The following DNAJB6 variants were observed in gnomAD, a reference collection of about 807,000 sequenced individuals.
DNAJB6 encodes DnaJ heat shock protein family (Hsp40) member B6, also known as dnaJ homolog subfamily B member 6.
DNAJB6 carries 16 observed loss-of-function variants against 42.7 expected under a neutral mutation model. The observed-to-expected ratio is 0.37, with a 90% CI of 0.25 to 0.57. The LOEUF is 0.57. Among genes scored for constraint, DNAJB6 ranks in the 20% least tolerant of loss-of-function variants. DNAJB6 has a pLI of 0.74. For missense variants in DNAJB6, 347 were observed against 416.8 expected (o/e 0.83, Z 1.46); for synonymous variants, 170 against 163.5 (o/e 1.04, Z -0.30).
chr7:157,382,077 G>C (rs1008411092), intron 5 of DNAJB6, 169 bp from the exon 6 acceptor site: 1 of 553,236 alleles, frequency 1.8e-6, no homozygotes, highest in African/African-American at 2.0e-5. Flanking sequence ...TAAAACTGTT[G>C]GTGAGGTAGT....
chr7:157,340,385 A>C (rs1798298816), intron 1 of DNAJB6, among the ~76,000 whole-genome samples: 1 of 152,170 alleles, frequency 6.6e-6, no homozygotes, highest in African/African-American at 2.4e-5. Context: ...TTCAAGGATG[A>C]ATAGAATTTG....
chr7:157,402,856 A>C (rs28513379), intron 8 of DNAJB6, among the ~76,000 whole-genome samples: 2,001 of 152,336 alleles, frequency 0.013, 44 homozygotes, highest in African/African-American at 0.045. Context: ...CCACGGAGAA[A>C]GTCCACGGAA....
chr7:157,345,421 C>T (rs1324642010), intron 1 of DNAJB6, among the ~76,000 whole-genome samples: 1 of 152,074 alleles, frequency 6.6e-6, no homozygotes, highest in African/African-American at 2.4e-5. Context: ...CTCAAGTGAT[C>T]CTGCCATTTC....
At chr7:157,337,458 G>T in intron 1 of DNAJB6, 1 of 151,910 alleles carries the variant, frequency 6.6e-6, no homozygotes, top group South Asian at 1.9e-4. Context: ...CCCGGCCTGG[G>T]AGCGGCCGGC....
intron 8 of DNAJB6, among the ~76,000 whole-genome samples, chr7:157,399,204 G>C (rs1801732832): frequency 6.6e-6 from 1 of 152,226 alleles, no homozygotes; most frequent in African/African-American, 2.4e-5. Flanking sequence ...CAGGCTGCTT[G>C]ACTGGAAGGT....
At chr7:157,388,299 G>A (rs1308668964) in intron 8 of DNAJB6, among the ~76,000 whole-genome samples, 1 of 152,228 alleles carries the variant, frequency 6.6e-6, no homozygotes, top group Non-Finnish European at 1.5e-5. Context: ...GTCTAAGGGT[G>A]CATGAGAGTA....
At chr7:157,359,768 A>G (rs1799486131) in intron 2 of DNAJB6, among the ~76,000 whole-genome samples, 2 of 152,182 alleles carry the variant, frequency 1.3e-5, no homozygotes, top group African/African-American at 4.8e-5. Context: ...GCAGTGAGCT[A>G]TGTTCGTGCC....
In DNAJB6 at chr7:157,363,811, A is replaced by G. The variant is rs1014148768; in HGVS notation, c.175+541A>G. Among the ~76,000 whole-genome samples, 5 of 152,272 alleles carry G rather than the reference A, an allele frequency of 3.3e-5. 1 individual carries two copies. The highest frequency in any genetic ancestry group is 6.8e-3 in the Middle Eastern group (2 of 294). ...TTCTATGTTACTGGAAGTCAGATCCATTGGCCTAGTTCACAAATGGGTGAG... is the reference window on the plus strand; with the variant it reads ...TTCTATGTTACTGGAAGTCAGATCCGTTGGCCTAGTTCACAAATGGGTGAG... On this transcript the variant is annotated intron_variant, in intron 3 of 9. Transcript: ENST00000262177.
At chr7:157,363,855 C>T (rs1363718408) in intron 3 of DNAJB6, among the ~76,000 whole-genome samples, 4 of 152,066 alleles carry the variant, frequency 2.6e-5, no homozygotes, top group Admixed American at 6.5e-5. Flanking sequence ...GGTCAGCTGT[C>T]GCCTAGATGC....
chr7:157,349,348 G>A (rs1798853604), intron 1 of DNAJB6, among the ~76,000 whole-genome samples: 1 of 152,128 alleles, frequency 6.6e-6, no homozygotes, highest in Admixed American at 6.5e-5. Context: ...TGACTAATGG[G>A]GCCAGTCTCA....
intron 9 of DNAJB6, chr7:157,414,496 C>A (rs971074290): frequency 1.3e-5 from 2 of 152,298 alleles, no homozygotes; most frequent in African/African-American, 2.4e-5. Flanking sequence ...GCGGCCTCTG[C>A]AGCCGCCAAC....
At chr7:157,349,589 C>T (rs575732193) in intron 1 of DNAJB6, among the ~76,000 whole-genome samples, 1 of 152,090 alleles carries the variant, frequency 6.6e-6, no homozygotes, top group African/African-American at 2.4e-5. Context: ...CTCAAGCCAT[C>T]CTCCCACCTC....
At chr7:157,395,592 T>C (rs1370923672) in intron 8 of DNAJB6, among the ~76,000 whole-genome samples, 3 of 152,160 alleles carry the variant, frequency 2.0e-5, no homozygotes, top group Non-Finnish European at 4.4e-5. Context: ...CATTTTTATG[T>C]GGAATAAGAT....
intron 8 of DNAJB6, among the ~76,000 whole-genome samples, chr7:157,387,781 ATTTT>A (rs34146062): frequency 6.6e-6 from 1 of 151,172 alleles, no homozygotes; most frequent in South Asian, 2.1e-4. Flanking sequence ...TCTTGTGAAA[ATTTT>A]TTTTTGAGGA....
At chr7:157,400,839 G>A (rs1193976548) in intron 8 of DNAJB6, among the ~76,000 whole-genome samples, 1 of 152,218 alleles carries the variant, frequency 6.6e-6, no homozygotes, top group African/African-American at 2.4e-5. Context: ...AGAGGGGCCT[G>A]GCACAAAGGT....
At chr7:157,365,814 G>A (rs958860518) in intron 3 of DNAJB6, among the ~76,000 whole-genome samples, 8 of 152,024 alleles carry the variant, frequency 5.3e-5, no homozygotes, top group South Asian at 2.1e-4. Context: ...ACAGGCATGC[G>A]CCACCATGCC....
chr7:157,354,640 A>G (rs1037266161), intron 1 of DNAJB6, among the ~76,000 whole-genome samples: 3 of 152,070 alleles, frequency 2.0e-5, no homozygotes, highest in East Asian at 1.9e-4. Flanking sequence ...TGCCCAGCCA[A>G]TATCTGCACA....
intron 8 of DNAJB6, among the ~76,000 whole-genome samples, chr7:157,401,482 A>G (rs1162799879): frequency 6.6e-6 from 1 of 152,238 alleles, no homozygotes; most frequent in East Asian, 1.9e-4. Context: ...AAGTGCTGGC[A>G]TTACAGGCAT....
At chr7:157,375,276 T>C (rs781563757) in intron 5 of DNAJB6, among the ~76,000 whole-genome samples, 4 of 152,212 alleles carry the variant, frequency 2.6e-5, no homozygotes, top group African/African-American at 7.2e-5. Flanking sequence ...GCTGCTGTTC[T>C]GGTGGTTTCT....
Sources: gnomAD v4.1 joint callset for allele counts (sites outside exome capture counted in the v4.1 genomes callset) on GRCh38, gnomAD v4.1.1 for gene constraint, MANE v1.5 for transcripts, NCBI Gene and HGNC (gene_info 2026-07-23, HGNC 2026-07-21) for gene names.